The following TXK variants were observed in gnomAD, a reference collection of about 807,000 sequenced individuals.
TXK encodes the protein tyrosine-protein kinase TXK.
In TXK, 60 loss-of-function variants were observed where a neutral mutation model predicts 81.0. The observed-to-expected ratio is 0.74, with a 90% CI of 0.60 to 0.92. TXK has a LOEUF of 0.92. Among genes scored for constraint, TXK ranks in the 40% least tolerant of loss-of-function variants. The probability of loss-of-function intolerance (pLI) is 0.00; values close to 1 mark genes in which losing one functional copy is unlikely to be tolerated. For synonymous variants in TXK, 203 were observed against 210.7 expected (o/e 0.96, Z 0.32); for missense variants, 581 against 638.3 (o/e 0.91, Z 0.97).
chr4:48,074,362 A>G (rs1380664336), intron 12 of TXK, among the ~76,000 whole-genome samples: 4 of 151,954 alleles, frequency 2.6e-5, no homozygotes, highest in Admixed American at 6.5e-5. Flanking sequence ...TAAAGGCTCT[A>G]ACAACCAAGA....
chr4:48,104,661 T>C (rs1432111536), intron 6 of TXK, among the ~76,000 whole-genome samples: 1 of 127,034 alleles, frequency 7.9e-6, no homozygotes, highest in African/African-American at 3.2e-5. Flanking sequence ...GGAGTCTGCC[T>C]ATGTTGGAGC....
intron 1 of TXK, among the ~76,000 whole-genome samples, chr4:48,127,386 TAGAC>T (rs1223468700): frequency 6.6e-6 from 1 of 152,192 alleles, no homozygotes; most frequent in Non-Finnish European, 1.5e-5. Flanking sequence ...AGTAAGTAAA[TAGAC>T]AGCGCCCTTC....
chr4:48,078,525 T>C (rs1380787673), intron 11 of TXK, among the ~76,000 whole-genome samples: 3 of 152,158 alleles, frequency 2.0e-5, no homozygotes, highest in African/African-American at 7.2e-5. Flanking sequence ...TGGAAGAACA[T>C]AAGGACATCA....
intron 7 of TXK, among the ~76,000 whole-genome samples, chr4:48,094,722 C>G (rs1717914261): frequency 1.3e-5 from 2 of 152,182 alleles, no homozygotes; most frequent in South Asian, 4.1e-4. Context: ...TCTCTTTAAC[C>G]TAGCATTGCT....
intron 10 of TXK, among the ~76,000 whole-genome samples, chr4:48,081,350 A>C (rs1225707315): frequency 3.3e-5 from 5 of 152,160 alleles, no homozygotes; most frequent in Non-Finnish European, 5.9e-5. Context: ...GCAAACCTTT[A>C]TCAGAAATCA....
At chr4:48,117,884 T>C (rs1577679186) in intron 1 of TXK, among the ~76,000 whole-genome samples, 1 of 152,240 alleles carries the variant, frequency 6.6e-6, no homozygotes, top group African/African-American at 2.4e-5. Context: ...TTTGGAGTTA[T>C]GGGACACATG....
intron 6 of TXK, among the ~76,000 whole-genome samples, chr4:48,096,147 T>TATA (rs1717971619): frequency 6.6e-6 from 1 of 152,226 alleles, no homozygotes. Context: ...TTCACCCAGA[T>TATA]ATAAGCCTTA....
chr4:48,087,361 A>C (rs1717573440), intron 9 of TXK, among the ~76,000 whole-genome samples: 1 of 152,098 alleles, frequency 6.6e-6, no homozygotes, highest in Admixed American at 6.5e-5. Flanking sequence ...AGAATTGTAA[A>C]ATCTGATAGT....
intron 1 of TXK, among the ~76,000 whole-genome samples, chr4:48,131,801 T>C (rs1577685159): frequency 6.6e-6 from 1 of 152,204 alleles, no homozygotes; most frequent in African/African-American, 2.4e-5. Context: ...TTTTCTTTAG[T>C]TCTGACCTTG....
intron 9 of TXK, among the ~76,000 whole-genome samples, chr4:48,088,503 A>G (rs1026479391): frequency 6.6e-6 from 1 of 151,936 alleles, no homozygotes; most frequent in Admixed American, 6.6e-5. Context: ...AAATAAACCA[A>G]CCCCACCCAG....
At chr4:48,088,299 G>T (rs1306503689) in intron 9 of TXK, among the ~76,000 whole-genome samples, 1 of 152,168 alleles carries the variant, frequency 6.6e-6, no homozygotes, top group African/African-American at 2.4e-5. Context: ...CCCAGCAGGT[G>T]TACACTTAAG....
intron 8 of TXK, among the ~76,000 whole-genome samples, 185 bp from the exon 9 acceptor site, chr4:48,090,009 T>C (rs566685328): frequency 4.6e-5 from 7 of 152,310 alleles, no homozygotes; most frequent in Non-Finnish European, 1.0e-4. Context: ...TTGTATACAA[T>C]TTAAAGAATC....
At chr4:48,114,691 C>T (rs1232309569) in intron 1 of TXK, 1 of 354,472 alleles carries the variant, frequency 2.8e-6, no homozygotes, top group East Asian at 5.0e-5. Flanking sequence ...TTTGTCAGGG[C>T]TAATGTTCGC....
intron 11 of TXK, among the ~76,000 whole-genome samples, chr4:48,078,262 G>A (rs1231633597): frequency 6.6e-6 from 1 of 152,168 alleles, no homozygotes; most frequent in Non-Finnish European, 1.5e-5. Context: ...ATTGGGTGAA[G>A]CAGTAAATAG....
At chr4:48,092,177 G>A (rs1159767905) in intron 8 of TXK, among the ~76,000 whole-genome samples, 1 of 152,148 alleles carries the variant, frequency 6.6e-6, no homozygotes, top group Non-Finnish European at 1.5e-5. Flanking sequence ...CAGGGCCTGC[G>A]GGATTGCAAG....
chr4:48,133,764 T>C (rs142211222), intron 1 of TXK, among the ~76,000 whole-genome samples: 9 of 152,302 alleles, frequency 5.9e-5, no homozygotes, highest in African/African-American at 1.9e-4. Flanking sequence ...TATTTATATA[T>C]ATATAAAGTT....
intron 14 of TXK, among the ~76,000 whole-genome samples, chr4:48,069,474 C>T (rs1456976171): frequency 6.6e-6 from 1 of 151,642 alleles, no homozygotes; most frequent in African/African-American, 2.4e-5. Flanking sequence ...TACAGGTGCC[C>T]GCCACCATGC....
At chr4:48,078,252 A>G (rs1317868291) in intron 11 of TXK, among the ~76,000 whole-genome samples, 2 of 152,180 alleles carry the variant, frequency 1.3e-5, no homozygotes, top group Non-Finnish European at 2.9e-5. Context: ...ATAATTAACT[A>G]TTGGGTGAAG....
intron 6 of TXK, among the ~76,000 whole-genome samples, chr4:48,103,130 T>C (rs984130014): frequency 1.6e-4 from 24 of 152,268 alleles, no homozygotes; most frequent in Non-Finnish European, 7.4e-5. Flanking sequence ...CCTGTTCAAG[T>C]CTCTGAAAAG....
Sources: gnomAD v4.1 joint callset for allele counts (sites outside exome capture counted in the v4.1 genomes callset) on GRCh38, gnomAD v4.1.1 for gene constraint, MANE v1.5 for transcripts, NCBI Gene and HGNC (gene_info 2026-07-23, HGNC 2026-07-21) for gene names.